The following PFKL variants were observed in gnomAD, a reference collection of about 807,000 sequenced individuals.
The protein encoded by PFKL is phosphofructokinase, liver type, also known as ATP-dependent 6-phosphofructokinase, liver type.
Under a neutral mutation model 92.1 loss-of-function variants are expected in PFKL, and 74 were observed. The ratio of observed to expected loss-of-function variants is 0.80; its 90% CI spans 0.67 to 0.97. The LOEUF (loss-of-function observed/expected upper bound fraction) is 0.97. PFKL is among the 50% of genes least tolerant of loss of function. PFKL has a pLI of 0.00. For synonymous variants in PFKL, 494 were observed against 456.4 expected, an observed-to-expected ratio of 1.08 and a Z score of -1.05; for missense variants, 1,028 against 1,116.6, an observed-to-expected ratio of 0.92 and a Z score of 1.13.
chr21:44,321,704 C>T (rs73231257), intron 12 of PFKL, 25 bp from the exon 13 acceptor site: 178 of 1,522,190 alleles, frequency 1.2e-4, no homozygotes, highest in Admixed American at 7.1e-4. Context: ...CTGTGCCTCA[C>T]GCTCATCTCC....
chr21:44,326,905 A>T lies in PFKL; in HGVS notation c.*43A>T. The T allele has an allele frequency of 6.5e-7, 1 of 1,550,368 alleles. No individual in the cohort carries two copies. The highest frequency in any genetic ancestry group is 8.8e-7 in the Non-Finnish European group (1 of 1,138,764). ...CCCCTCCCCAGCCCCCACCCATGCC[A>T]GCGCAGCGCCAGGGCTCAGATGGGG... On this transcript the variant is annotated 3_prime_UTR_variant, in exon 22 of 22. Coordinates refer to ENST00000349048, the MANE Select transcript of PFKL (RefSeq NM_002626.6).
At position 44,312,094 on chromosome 21, in the gene PFKL, C is replaced by T. The variant is rs2146456360; in HGVS notation, c.238-11C>T. ...CCATCTCTCCTGAAGTTTCTGGTCT[C>T]CTCTGTGCAGGGCGGCACTATCATT... is the stretch of plus-strand genomic sequence containing the variant. On this transcript the variant is annotated splice_polypyrimidine_tract_variant and intron_variant, in intron 3 of 21. Coordinates refer to ENST00000349048, the MANE Select transcript of PFKL (RefSeq NM_002626.6). The T allele has an allele frequency of 6.8e-7, 1 of 1,477,414 alleles. No homozygotes were observed. The highest frequency in any genetic ancestry group is 2.7e-5 in the East Asian group (1 of 36,784). 91.5% of individuals were successfully genotyped at this position (1,477,414 alleles called of 1,614,324 possible).
chr21:44,326,075 C>G lies in PFKL; in HGVS notation c.2089+15C>G. 6.2e-7 allele frequency: 1 copy of G among 1,609,994 alleles called. No homozygotes were observed. Among genetic ancestry groups the G allele is most frequent in the Middle Eastern group, 1.7e-4 (1 of 6,048 alleles). ...TTACCGCAAGGGTAGGTGGTGGGTGCGACCCGAGGCCTCACTTTGCCCTCC... is the reference window on the plus strand; with the variant it reads ...TTACCGCAAGGGTAGGTGGTGGGTGGGACCCGAGGCCTCACTTTGCCCTCC... On this transcript the variant is annotated intron_variant, in intron 20 of 21. Transcript: ENST00000349048.
intron 9 of PFKL, among the ~76,000 whole-genome samples, chr21:44,317,673 A>C: frequency 6.6e-6 from 1 of 152,166 alleles, no homozygotes; most frequent in South Asian, 2.1e-4. Flanking sequence ...GTGCTCCCTG[A>C]GCCCGTATTC....
chr21:44,321,635 T>C (rs1217846797), intron 12 of PFKL, 94 bp from the exon 13 acceptor site: 33 of 1,323,706 alleles, frequency 2.5e-5, no homozygotes, highest in East Asian at 1.4e-4. Flanking sequence ...GCCTGGCCCC[T>C]TTTTCCAGAA....
chr21:44,325,499 G>T lies in PFKL; in HGVS notation c.1989+235G>T, dbSNP rs62220410. On this transcript the variant is annotated intron_variant, in intron 19 of 21. Coordinates refer to ENST00000349048, the MANE Select transcript of PFKL (RefSeq NM_002626.6). ...GCCCGAGCCAGGGCATTCACATGCT[G>T]AGCCGAGCTCCCCACCCCTGCCAGG... is the stretch of plus-strand genomic sequence containing the variant. The T allele has an allele frequency of 8.8e-3, 5,069 of 574,144 alleles. 48 individuals carry two copies. The highest frequency in any genetic ancestry group is 0.038 in the Middle Eastern group (83 of 2,170). 35.6% of individuals were successfully genotyped at this position (574,144 alleles called of 1,614,324 possible).
In PFKL at chr21:44,313,045, C is replaced by T. The variant is rs2047095241; in HGVS notation, c.495C>T (p.Ile165=). The change falls in exon 5 of 22, where the codon ATC becomes ATT. Residue 165 remains isoleucine (I), a synonymous_variant. Transcript: ENST00000349048. Reference sequence around the variant, plus strand: ...ACATCGCGGGCCTAGTGGGCTCCATCGATAACGACTTCTGCGGCACCGACA... The same window carrying T: ...ACATCGCGGGCCTAGTGGGCTCCATTGATAACGACTTCTGCGGCACCGACA... ...HLNIAGLVGS[I]DNDFCGTDMT... 6 of 1,613,064 alleles carry T rather than the reference C, an allele frequency of 3.7e-6. No individual in the cohort carries two copies. The highest frequency in any genetic ancestry group is 3.3e-5 in the South Asian group (3 of 91,078).
intron 9 of PFKL, 43 bp downstream of exon 9, chr21:44,316,567 C>T (rs757615986): frequency 9.6e-6 from 14 of 1,465,816 alleles, no homozygotes; most frequent in East Asian, 2.3e-5. Context: ...CGTGGGTAAG[C>T]GTGGTGTGTG....
chr21:44,322,074 CT>C (rs2047370511), intron 13 of PFKL, 58 bp from the exon 14 acceptor site: 7 of 1,553,898 alleles, frequency 4.5e-6, no homozygotes, highest in Non-Finnish European at 4.4e-6. Context: ...AGGCCCACCC[CT>C]GGGGGGAATT....
chr21:44,306,562 G>A (rs1300590312), intron 1 of PFKL, 119 bp from the exon 2 acceptor site: 8 of 571,784 alleles, frequency 1.4e-5, no homozygotes, highest in South Asian at 8.6e-5. Flanking sequence ...CCCACCACCC[G>A]CCCTCTGAGA....
In PFKL at chr21:44,318,530, G is replaced by T. The variant is rs567386993; in HGVS notation, c.997G>T (p.Ala333Ser). The T allele has an allele frequency of 1.3e-6, 2 of 1,579,322 alleles. No individual in the cohort carries two copies. Among genetic ancestry groups the T allele is most frequent in the East Asian group, 4.7e-5 (2 of 42,732 alleles). The change falls in exon 10 of 22, where the codon GCC becomes TCC. Residue 333 changes from alanine to serine, a missense_variant. Ala to Ser is a moderately conservative substitution (Grantham distance 99). Transcript: ENST00000349048. The stretch of plus-strand genomic sequence containing the variant: ...GCTGGAAGCCACGCCTGACACGCCG[G>T]CCTGCGTGGTCACCCTCTCGGGGAA... ...ALLEATPDTP[A>S]CVVTLSGNQS...
rs768553704 is a variant in PFKL, at chr21:44,323,003, TC to T, written c.1453del (p.Arg485AlafsTer61). On this transcript the variant is annotated frameshift_variant, in exon 15 of 22. Coordinates refer to ENST00000349048, the MANE Select transcript of PFKL (RefSeq NM_002626.6). LOFTEE classifies it high-confidence loss of function. ...KGQLESIVEN[I>X]RIYGIHALLV... The stretch of plus-strand genomic sequence containing the variant: ...CAGCTGGAGTCCATTGTGGAGAACA[TC>T]CGCATCTATGGTATTCACGCCCTGC... 1 of 1,613,060 alleles carries T rather than the reference TC, an allele frequency of 6.2e-7. No individual in the cohort carries two copies. The highest frequency in any genetic ancestry group is 2.2e-5 in the East Asian group (1 of 44,852).
In PFKL at chr21:44,326,356, G is replaced by A. The variant is rs2047509476; in HGVS notation, c.2195+92G>A. On this transcript the variant is annotated intron_variant, in intron 21 of 21. Transcript: ENST00000349048. Reference sequence around the variant, plus strand: ...AGGTGTGCCAGGCCCAGCCCCACTGGCACCCTGACCCCGCAAGGCCTCCTG... The same window carrying A: ...AGGTGTGCCAGGCCCAGCCCCACTGACACCCTGACCCCGCAAGGCCTCCTG... 9 of 970,328 alleles carry A rather than the reference G, an allele frequency of 9.3e-6. No homozygotes were observed. The South Asian group carries it at 1.4e-4, about 15-fold the overall frequency. 60.1% of individuals were successfully genotyped at this position (970,328 alleles called of 1,614,324 possible).
chr21:44,311,260 G>A (rs560840954), intron 3 of PFKL, among the ~76,000 whole-genome samples, 177 bp downstream of exon 3: 3 of 145,176 alleles, frequency 2.1e-5, no homozygotes, highest in African/African-American at 5.2e-5. Flanking sequence ...ACACAGATGC[G>A]TGCACACACA....
intron 15 of PFKL, 95 bp downstream of exon 15, chr21:44,323,144 C>A: frequency 1.9e-6 from 2 of 1,057,800 alleles, no homozygotes; most frequent in African/African-American, 1.6e-5. Flanking sequence ...CGTGTGCTGG[C>A]TGGGCCGATG....
At chr21:44,316,628 A>C (rs913196219) in intron 9 of PFKL, 104 bp downstream of exon 9, 18 of 839,796 alleles carry the variant, frequency 2.1e-5, no homozygotes, top group Non-Finnish European at 3.1e-5. Context: ...CACTGTGTCC[A>C]TGTGGCTGTG....
intron 2 of PFKL, chr21:44,307,344 C>T: frequency 2.0e-6 from 2 of 979,828 alleles, no homozygotes; most frequent in Non-Finnish European, 2.4e-6. Context: ...TACACACCCA[C>T]ACTTGCGCTC....
In PFKL at chr21:44,327,009, GC is replaced by G; in HGVS notation, c.*149del. On this transcript the variant is annotated 3_prime_UTR_variant, in exon 22 of 22. Coordinates refer to ENST00000349048, the MANE Select transcript of PFKL (RefSeq NM_002626.6). The stretch of plus-strand genomic sequence containing the variant: ...AGCCCATCCCCTGCCTCTATCCCTG[GC>G]CACCTGCCAGGCCTCCCTCGGGCTG... The G allele has an allele frequency of 2.8e-6, 2 of 719,988 alleles. No individual in the cohort carries two copies. Among genetic ancestry groups the G allele is most frequent in the Non-Finnish European group, 4.6e-6 (2 of 438,056 alleles). The allele number at this position is 719,988 out of a possible 1,614,324, so 44.6% of individuals were successfully genotyped here.
chr21:44,316,095 GC>G, intron 7 of PFKL, 148 bp from the exon 8 acceptor site: 1 of 701,814 alleles, frequency 1.4e-6, no homozygotes, highest in Non-Finnish European at 2.5e-6. Context: ...CGCGCTCCAG[GC>G]CTGCTTTCCT....
Sources: allele counts gnomAD v4.1 joint callset (sites outside exome capture counted in the v4.1 genomes callset), GRCh38; gene constraint gnomAD v4.1.1; transcripts MANE v1.5; gene names NCBI Gene and HGNC (gene_info 2026-07-23, HGNC 2026-07-21).